The following ELMO1 variants were observed in gnomAD, a reference collection of about 807,000 sequenced individuals.
The protein encoded by ELMO1 is engulfment and cell motility protein 1.
ELMO1 carries 26 observed loss-of-function variants against 98.9 expected under a neutral mutation model. The observed-to-expected ratio is 0.26, with a 90% CI of 0.19 to 0.36. The LOEUF is 0.36. Ranked by LOEUF, ELMO1 falls within the 10% of genes least tolerant of loss-of-function variation. The pLI, the probability that ELMO1 is intolerant of heterozygous loss-of-function variation, is 1.00. For missense variants in ELMO1, 627 were observed against 935.2 expected (o/e 0.67, Z 4.30); for synonymous variants, 346 against 346.0 (o/e 1.00, Z 0.00).
intron 14 of ELMO1, among the ~76,000 whole-genome samples, chr7:37,123,088 G>A (rs1786201782): frequency 6.6e-6 from 1 of 151,756 alleles, no homozygotes; most frequent in South Asian, 2.1e-4. Context: ...TGAAACCAGT[G>A]AGAACAAAGA....
chr7:37,423,195 G>T (rs1231867239), intron 1 of ELMO1, among the ~76,000 whole-genome samples: 3 of 152,156 alleles, frequency 2.0e-5, no homozygotes, highest in Non-Finnish European at 4.4e-5. Flanking sequence ...AATTTCATCA[G>T]ACATTCATCT....
intron 16 of ELMO1, among the ~76,000 whole-genome samples, chr7:36,983,025 A>G (rs368529984): frequency 1.4e-4 from 21 of 152,338 alleles, no homozygotes; most frequent in African/African-American, 5.0e-4. Context: ...ATTGCAGTTC[A>G]TGGGAACCCC....
intron 16 of ELMO1, among the ~76,000 whole-genome samples, chr7:36,924,359 A>G (rs932920855): frequency 8.5e-5 from 13 of 152,162 alleles, no homozygotes; most frequent in Admixed American, 3.9e-4. Context: ...CATGATATGT[A>G]GGTGCTTCCC....
intron 1 of ELMO1, among the ~76,000 whole-genome samples, chr7:37,433,417 T>A (rs1220819149): frequency 6.6e-6 from 1 of 152,126 alleles, no homozygotes; most frequent in Non-Finnish European, 1.5e-5. Flanking sequence ...ATGCTAGAAG[T>A]CACGGAAGGT....
intron 16 of ELMO1, among the ~76,000 whole-genome samples, chr7:36,944,402 C>T (rs1787300636): frequency 6.6e-6 from 1 of 152,160 alleles, no homozygotes; most frequent in Non-Finnish European, 1.5e-5. Flanking sequence ...CCAGCTCACA[C>T]GAAGGAGTGC....
chr7:37,145,813 G>T (rs949501253), intron 13 of ELMO1, among the ~76,000 whole-genome samples: 11 of 152,258 alleles, frequency 7.2e-5, no homozygotes, highest in Non-Finnish European at 1.2e-4. Flanking sequence ...AAATCACATT[G>T]AGTGAATATT....
intron 14 of ELMO1, among the ~76,000 whole-genome samples, chr7:37,108,111 TACTTGA>T (rs1273210231): frequency 6.6e-6 from 1 of 152,252 alleles, no homozygotes; most frequent in East Asian, 1.9e-4. Context: ...TAAGTTGTTT[TACTTGA>T]GGTTAAAAAA....
intron 4 of ELMO1, among the ~76,000 whole-genome samples, chr7:37,300,821 T>G (rs1798302749): frequency 6.6e-6 from 1 of 151,708 alleles, no homozygotes; most frequent in Non-Finnish European, 1.5e-5. Context: ...TTCTATTGAT[T>G]GGAATAGTTT....
At chr7:37,409,958 T>G (rs1803926646) in intron 1 of ELMO1, among the ~76,000 whole-genome samples, 1 of 152,236 alleles carries the variant, frequency 6.6e-6, no homozygotes, top group Admixed American at 6.5e-5. Context: ...AATCCCCATT[T>G]TGCAAGCAGG....
intron 1 of ELMO1, among the ~76,000 whole-genome samples, chr7:37,404,841 T>C (rs1803685818): frequency 6.6e-6 from 1 of 152,276 alleles, no homozygotes; most frequent in Non-Finnish European, 1.5e-5. Flanking sequence ...CGTTACTTGA[T>C]GAAAAACAAA....
intron 1 of ELMO1, among the ~76,000 whole-genome samples, chr7:37,383,556 T>C (rs991511695): frequency 6.6e-6 from 1 of 152,240 alleles, no homozygotes; most frequent in Non-Finnish European, 1.5e-5. Flanking sequence ...TTTCAAAACA[T>C]TTCATAAATG....
At chr7:36,906,793 G>A (rs377181302) in intron 16 of ELMO1, among the ~76,000 whole-genome samples, 35 of 152,096 alleles carry the variant, frequency 2.3e-4, no homozygotes, top group Middle Eastern at 6.9e-3. Flanking sequence ...AAAAAAAGGC[G>A]CTTAGAAAGT....
intron 16 of ELMO1, among the ~76,000 whole-genome samples, chr7:36,972,858 G>T (rs1790095005): frequency 6.6e-6 from 1 of 152,126 alleles, no homozygotes; most frequent in African/African-American, 2.4e-5. Context: ...TCGGCTCACT[G>T]CAACTTCTAC....
chr7:37,022,748 C>T (rs1275740110), intron 15 of ELMO1, among the ~76,000 whole-genome samples: 1 of 152,286 alleles, frequency 6.6e-6, no homozygotes, highest in Middle Eastern at 3.4e-3. Flanking sequence ...AACAGAAATG[C>T]ATACATACGC....
intron 10 of ELMO1, among the ~76,000 whole-genome samples, chr7:37,222,196 C>T (rs1005852775): frequency 7.2e-5 from 11 of 152,220 alleles, no homozygotes; most frequent in Admixed American, 2.0e-4. Context: ...TGGCACCCCT[C>T]AGGGTCTGTT....
chr7:37,244,955 T>C (rs187872180), intron 6 of ELMO1, among the ~76,000 whole-genome samples: 4 of 152,308 alleles, frequency 2.6e-5, no homozygotes, highest in Admixed American at 6.5e-5. Flanking sequence ...AATCTGGCTA[T>C]AATAAAGGAT....
chr7:37,067,751 A>C (rs751630802), intron 15 of ELMO1, among the ~76,000 whole-genome samples: 7 of 151,814 alleles, frequency 4.6e-5, no homozygotes, highest in Non-Finnish European at 8.8e-5. Flanking sequence ...TTTTTTGAAA[A>C]GACAGAATTT....
chr7:36,982,659 C>G (rs1791167715), intron 16 of ELMO1, among the ~76,000 whole-genome samples: 1 of 152,218 alleles, frequency 6.6e-6, no homozygotes, highest in East Asian at 1.9e-4. Context: ...GTTACCATGA[C>G]CCCTACAGAT....
rs201480045 is a variant in ELMO1, at chr7:37,025,615, ATCTCG to A, written c.1301-12185_1301-12181del. ...CTTGCCTCACTGCTTGAGCTGGGAC[ATCTCG>A]TCTCATTTTCCCCTGCCTGTGGACT... is the stretch of plus-strand genomic sequence containing the variant. On this transcript the variant is annotated intron_variant, in intron 15 of 21. Coordinates refer to ENST00000310758, the MANE Select transcript of ELMO1 (RefSeq NM_014800.11). 4.0e-3 allele frequency among the ~76,000 whole-genome samples: 611 copies of A among 151,966 alleles called. 3 individuals are homozygous for A. The highest frequency in any genetic ancestry group is 0.01 in the Middle Eastern group (3 of 292).
Sources: gnomAD v4.1 joint callset for allele counts (sites outside exome capture counted in the v4.1 genomes callset) on GRCh38, gnomAD v4.1.1 for gene constraint, MANE v1.5 for transcripts, NCBI Gene and HGNC (gene_info 2026-07-23, HGNC 2026-07-21) for gene names.